The following SEMA7A variants were observed in gnomAD, a reference collection of about 807,000 sequenced individuals.
SEMA7A encodes the protein semaphorin 7A (JohnMiltonHagen blood group), also known as semaphorin-7A.
SEMA7A carries 21 observed loss-of-function variants against 67.5 expected under a neutral mutation model. That is an observed-to-expected ratio of 0.31 (90% CI 0.22 to 0.45). The LOEUF (loss-of-function observed/expected upper bound fraction) is 0.45, where lower values mean the gene tolerates loss of function less well. Among genes scored for constraint, SEMA7A ranks in the 20% least tolerant of loss-of-function variants. The pLI, the probability that SEMA7A is intolerant of heterozygous loss-of-function variation, is 1.00. For synonymous variants in SEMA7A, 364 were observed against 368.5 expected, an observed-to-expected ratio of 0.99 and a Z score of 0.14; for missense variants, 774 against 908.6, an observed-to-expected ratio of 0.85 and a Z score of 1.90.
rs562456601 is a variant in SEMA7A at position 74,419,178 on chromosome 15, C to T, written c.179-226G>A. 1.6e-4 allele frequency among the ~76,000 whole-genome samples: 24 copies of T among 152,322 alleles called. 1 individual carries two copies. In the East Asian group the frequency reaches 4.1e-3, roughly 26 times the overall value. The stretch of plus-strand genomic sequence containing the variant: ...CAACCAGCTGTCCTCACCCACAGCA[C>T]GGCCCCTCCCCTAGTGTGGCAGCCT... On this transcript the variant is annotated intron_variant, in intron 1 of 13. Coordinates refer to ENST00000261918, the MANE Select transcript of SEMA7A (RefSeq NM_003612.5).
rs1378548881 is a variant in SEMA7A at position 74,423,801 on chromosome 15, T to C, written c.179-4849A>G. Among the ~76,000 whole-genome samples the C allele has an allele frequency of 1.3e-5, 2 of 152,032 alleles. No individual in the cohort carries two copies. The highest frequency in any genetic ancestry group is 4.8e-5 in the African/African-American group (2 of 41,370). ...CTAGGGGTGGGAATACAGGAACAAA[T>C]GTTTCTGTCTCTCCTGATATGGCCA... is the stretch of plus-strand genomic sequence containing the variant. On this transcript the variant is annotated intron_variant, in intron 1 of 13. Transcript: ENST00000261918. The surrounding 1 kb of genome is among the most constrained non-coding windows in gnomAD (Gnocchi z 4.1).
intron 2 of SEMA7A, among the ~76,000 whole-genome samples, 172 bp downstream of exon 2, chr15:74,418,629 C>A (rs900974390): frequency 6.6e-6 from 1 of 152,230 alleles, no homozygotes; most frequent in Non-Finnish European, 1.5e-5. Context: ...CAGCTCCCCA[C>A]TCCAATCTGG....
At chr15:74,429,123 C>T (rs1567079307) in intron 1 of SEMA7A, among the ~76,000 whole-genome samples, 2 of 152,158 alleles carry the variant, frequency 1.3e-5, no homozygotes, top group African/African-American at 4.8e-5. Context: ...GGGGCAGCCA[C>T]GCTGGGCCAA....
chr15:74,411,502 C>A lies in SEMA7A; in HGVS notation c.1577+54G>T. The stretch of plus-strand genomic sequence containing the variant: ...CACCTCCTCCAGCCCGACAACACCT[C>A]CCCCTCTCCCATGCCCACCTTCTCC... On this transcript the variant is annotated intron_variant, in intron 12 of 13. Coordinates refer to ENST00000261918, the MANE Select transcript of SEMA7A (RefSeq NM_003612.5). The surrounding 1 kb of genome is among the most constrained non-coding windows in gnomAD (Gnocchi z 4.4). The A allele has an allele frequency of 6.5e-7, 1 of 1,544,566 alleles. No homozygotes were observed. Among genetic ancestry groups the A allele is most frequent in the Non-Finnish European group, 8.7e-7 (1 of 1,144,316 alleles).
chr15:74,415,787 CA>C lies in SEMA7A; in HGVS notation c.986+13del. On this transcript the variant is annotated intron_variant, in intron 8 of 13. Coordinates refer to ENST00000261918, the MANE Select transcript of SEMA7A (RefSeq NM_003612.5). ...ACCAATGCCAGCCCCGGCCCCAGGA[CA>C]AGGGCCACTCACCAGGGGTTGGAGA... The C allele has an allele frequency of 6.2e-7, 1 of 1,606,846 alleles. No individual in the cohort carries two copies. The highest frequency in any genetic ancestry group is 8.5e-7 in the Non-Finnish European group (1 of 1,176,406).
Position 74,412,315 on chromosome 15 carries a change from C to A in SEMA7A, c.1295-303G>T, listed in dbSNP as rs116859986. Among the ~76,000 whole-genome samples the A allele has an allele frequency of 2.6e-3, 398 of 152,242 alleles. 14 individuals carry two copies. In the East Asian group the frequency reaches 0.072, roughly 27 times the overall value. On this transcript the variant is annotated intron_variant, in intron 10 of 13. Transcript: ENST00000261918. Reference sequence around the variant, plus strand: ...GAGCCCCACACCAGCAAGGTCAGTGCGGCTGCTGTCCATGCATCACCTCGT... The same window carrying A: ...GAGCCCCACACCAGCAAGGTCAGTGAGGCTGCTGTCCATGCATCACCTCGT...
At position 74,411,006 on chromosome 15, in the gene SEMA7A, C is replaced by T. The variant is rs2060894929; in HGVS notation, c.1640-21G>A. 2 of 1,602,678 alleles carry T rather than the reference C, an allele frequency of 1.2e-6. No homozygotes were observed. The highest frequency in any genetic ancestry group is 1.7e-6 in the Non-Finnish European group (2 of 1,174,482). ...CTTGTCTGGGGAGGCAGTGGGGAAGCAGCCGTGAGGAGGGACAAAGAGCTC... is the reference window on the plus strand; with the variant it reads ...CTTGTCTGGGGAGGCAGTGGGGAAGTAGCCGTGAGGAGGGACAAAGAGCTC... On this transcript the variant is annotated intron_variant, in intron 13 of 13. Coordinates refer to ENST00000261918, the MANE Select transcript of SEMA7A (RefSeq NM_003612.5). This position sits in a 1 kb window ranked among gnomAD's most constrained non-coding sequence, Gnocchi z 4.4.
At chr15:74,418,177 G>A in intron 3 of SEMA7A, 91 bp downstream of exon 3, 2 of 1,365,724 alleles carry the variant, frequency 1.5e-6, no homozygotes, top group African/African-American at 1.4e-5. Context: ...GGACTCGTGG[G>A]GCAGGGCCAT....
At position 74,414,664 on chromosome 15, in the gene SEMA7A, G is replaced by A. The variant is rs2060930259; in HGVS notation, c.1177C>T (p.Pro393Ser). 1 of 1,614,062 alleles carries A rather than the reference G, an allele frequency of 6.2e-7. No homozygotes were observed. Among genetic ancestry groups the A allele is most frequent in the Non-Finnish European group, 8.5e-7 (1 of 1,180,046 alleles). ...AATGGCGTCTTCAGAGGCCCCATGG[G>A]CTCCACCCTCTGCGCCACCTCTGGG... ...RHPEVAQRVE[P>S]MGPLKTPLFH... The change falls in exon 10 of 14, where the codon CCC (proline) becomes TCC (serine). Residue 393 changes from proline to serine, a missense_variant. Around this residue, in one of 2 missense-constraint regions of SEMA7A, gnomAD observed 427 missense variants for 555.4 expected, o/e 0.77. Coordinates refer to ENST00000261918, the MANE Select transcript of SEMA7A (RefSeq NM_003612.5). This position sits in a 1 kb window ranked among gnomAD's most constrained non-coding sequence, Gnocchi z 4.1.
intron 6 of SEMA7A, among the ~76,000 whole-genome samples, chr15:74,416,943 A>G (rs1026475572): frequency 2.6e-5 from 4 of 152,164 alleles, no homozygotes; most frequent in Non-Finnish European, 5.9e-5. Flanking sequence ...GCCCAGGAGC[A>G]ATGACTTCAT....
At position 74,417,223 on chromosome 15, in the gene SEMA7A, C is replaced by G. The variant is rs113015025; in HGVS notation, c.661+112G>C. On this transcript the variant is annotated intron_variant, in intron 6 of 13. Transcript: ENST00000261918. Reference sequence around the variant, plus strand: ...CCTATACCAAGGTCCTGCTTTCCTGCATGGCCCCAGCGGCCCTCAGGGAGC... The same window carrying G: ...CCTATACCAAGGTCCTGCTTTCCTGGATGGCCCCAGCGGCCCTCAGGGAGC... 7,666 of 822,722 alleles carry G rather than the reference C, an allele frequency of 9.3e-3. 46 individuals carry two copies. Among genetic ancestry groups the G allele is most frequent in the Non-Finnish European group, 0.012 (5,970 of 488,872 alleles). The allele number at this position is 822,722 out of a possible 1,614,324, so 51.0% of individuals were successfully genotyped here.
Position 74,417,886 on chromosome 15 carries a change from G to A in SEMA7A, c.456C>T (p.Cys152=). 8.1e-6 allele frequency: 13 copies of A among 1,613,454 alleles called. No individual in the cohort carries two copies. Among genetic ancestry groups the A allele is most frequent in the Non-Finnish European group, 1.1e-5 (13 of 1,180,012 alleles). ...GGAGCAGCCTTCTCACCAGGTTCCA[G>A]CAGCTGGGGTGCCGGGCGTTGGTGC... ...ACGTNARHPS[C]WNLVNGTVVP... The change falls in exon 4 of 14, where the codon TGC becomes TGT. Residue 152 remains cysteine, a synonymous_variant. Coordinates refer to ENST00000261918, the MANE Select transcript of SEMA7A (RefSeq NM_003612.5).
chr15:74,430,701 C>G (rs892696248), intron 1 of SEMA7A, among the ~76,000 whole-genome samples: 1 of 152,238 alleles, frequency 6.6e-6, no homozygotes, highest in African/African-American at 2.4e-5. Flanking sequence ...AATTGCCCCC[C>G]CACCATGAGA....
chr15:74,422,302 C>T (rs906785856), intron 1 of SEMA7A, among the ~76,000 whole-genome samples: 2 of 152,006 alleles, frequency 1.3e-5, no homozygotes, highest in East Asian at 1.9e-4. Context: ...AAAGGAGCAC[C>T]GTCTGGCACC....
At position 74,418,949 on chromosome 15, in the gene SEMA7A, T is replaced by C. The variant is rs1219307645; in HGVS notation, c.182A>G (p.His61Arg). 19 of 1,612,870 alleles carry C rather than the reference T, an allele frequency of 1.2e-5. No individual in the cohort carries two copies. Among genetic ancestry groups the C allele is most frequent in the Admixed American group, 3.3e-5 (2 of 59,946 alleles). Residue 61 changes from histidine (H) to arginine (R), a missense_variant, in exon 2 of 14, where the codon CAT (histidine) becomes CGT (arginine). Physicochemically the swap from His to Arg is conservative, Grantham distance 29. Transcript: ENST00000261918. The stretch of plus-strand genomic sequence containing the variant: ...AAAGTCCACCCGGTCCTGCCCTACA[T>C]GGCCTGAGGAGGAGACAATTAGTAG... ...GPRIFAVWKG[H>R]VGQDRVDFGQ...
intron 2 of SEMA7A, 25 bp downstream of exon 2, chr15:74,418,776 G>A: frequency 6.2e-7 from 1 of 1,610,100 alleles, no homozygotes; most frequent in Non-Finnish European, 8.5e-7. Context: ...GGTAGGGGGG[G>A]TGTTGGGGGA....
chr15:74,431,321 G>A (rs899743740), intron 1 of SEMA7A, among the ~76,000 whole-genome samples: 3 of 152,190 alleles, frequency 2.0e-5, no homozygotes, highest in Admixed American at 2.0e-4. Flanking sequence ...TCTCTCCCTG[G>A]CCTGAGCTAC....
intron 2 of SEMA7A, 142 bp from the exon 3 acceptor site, chr15:74,418,451 G>T: frequency 1.2e-6 from 1 of 824,960 alleles, no homozygotes. Flanking sequence ...CTCTGAGAGG[G>T]TGAGTGATCT....
chr15:74,433,667 G>T, intron 1 of SEMA7A, 74 bp downstream of exon 1: 2 of 1,338,184 alleles, frequency 1.5e-6, no homozygotes, highest in South Asian at 1.9e-5. Context: ...CACTCCCTCC[G>T]GGTGCAGCAC....
Sources: gnomAD v4.1 joint callset for allele counts (sites outside exome capture counted in the v4.1 genomes callset) on GRCh38, gnomAD v4.1.1 for gene constraint, gnomAD v4.1.1 regional missense constraint, Gnocchi (gnomAD v3.1) non-coding constraint, MANE v1.5 for transcripts, NCBI Gene and HGNC (gene_info 2026-07-23, HGNC 2026-07-21) for gene names.